RP1: variants seen among roughly 807,000 people sequenced by gnomAD.
RP1 encodes oxygen-regulated protein 1.
In RP1, 16 loss-of-function variants were observed where a neutral mutation model predicts 14.8. The ratio of observed to expected loss-of-function variants is 1.08; its 90% CI spans 0.73 to 1.65. The LOEUF (loss-of-function observed/expected upper bound fraction) is 1.65, where lower values mean the gene tolerates loss of function less well. Among genes scored for constraint, RP1 ranks in the 40% most tolerant of loss-of-function variants. The pLI, the probability that RP1 is intolerant of heterozygous loss-of-function variation, is 0.00. For synonymous variants in RP1, 876 were observed against 883.6 expected (o/e 0.99, Z 0.15); for missense variants, 2,631 against 2,535.0 (o/e 1.04, Z -0.81).
intron 12 of RP1, among the ~76,000 whole-genome samples, chr8:54,687,727 C>A (rs752771094): frequency 6.6e-6 from 1 of 151,978 alleles, no homozygotes; most frequent in Non-Finnish European, 1.5e-5. Flanking sequence ...GCATTTGTGT[C>A]GGTTCCAAGA....
chr8:54,750,901 G>A (rs1017117722), intron 19 of RP1, among the ~76,000 whole-genome samples: 1 of 152,244 alleles, frequency 6.6e-6, no homozygotes, highest in African/African-American at 2.4e-5. Flanking sequence ...GGACAGAAAT[G>A]GAGCATGGGA....
intron 12 of RP1, among the ~76,000 whole-genome samples, chr8:54,683,995 G>GTT (rs35978244): frequency 0.03 from 3,913 of 131,982 alleles, 112 homozygotes; most frequent in African/African-American, 0.068. Flanking sequence ...TTGCTTGAGA[G>GTT]TTTTTTTTTT....
chr8:54,629,256 G>T lies in RP1; in HGVS notation c.5374G>T (p.Ala1792Ser). The change falls in exon 4 of 4, where the codon GCC becomes TCC. Residue 1792 changes from alanine (A) to serine (S), a missense_variant. Physicochemically the swap from Ala to Ser is moderately conservative, Grantham distance 99. Coordinates refer to ENST00000220676, the MANE Select transcript of RP1 (RefSeq NM_006269.2). ...ACCATATTCACATTTTGGTAATTTG[G>T]CCCCAGGCCCAACGATGGATGAACT... Reference protein sequence around the residue: ...EVPYSHFGNLAPGPTMDELSS... With the variant: ...EVPYSHFGNLSPGPTMDELSS... 2 of 1,613,740 alleles carry T rather than the reference G, an allele frequency of 1.2e-6. No homozygotes were observed. Among genetic ancestry groups the T allele is most frequent in the South Asian group, 1.1e-5 (1 of 91,030 alleles).
At chr8:54,563,153 A>T (rs935618987) in intron 1 of RP1, among the ~76,000 whole-genome samples, 1 of 152,248 alleles carries the variant, frequency 6.6e-6, no homozygotes, top group African/African-American at 2.4e-5. Flanking sequence ...TCAGAGCAGA[A>T]GAGTCAGCCC....
rs146192663 is a variant in RP1 at position 54,768,192 on chromosome 8, C to T, written c.3249-1549C>T. On this transcript the variant is annotated intron_variant, in intron 22 of 22. Coordinates refer to the RP1 transcript ENST00000636932. ...TTGCCAGTGCTGTTGTCTCTCTCTA[C>T]GGTGCCCATCCTGACCTACTTATTG... 6.6e-4 allele frequency among the ~76,000 whole-genome samples: 100 copies of T among 152,314 alleles called. 1 individual carries two copies. The East Asian group carries it at 0.01, about 16-fold the overall frequency.
Position 54,627,031 on chromosome 8 carries a change from A to C in RP1, c.3149A>C (p.Lys1050Thr). Residue 1050 changes from lysine to threonine, a missense_variant, in exon 4 of 4, where the codon AAA (lysine) becomes ACA (threonine). Transcript: ENST00000220676. The stretch of plus-strand genomic sequence containing the variant: ...GCTGAAAAATCAGGACCAGAGAAAA[A>C]ACTTGTTTACCAGGAAATAAACCTA... ...IAAEKSGPEK[K>T]LVYQEINLAR... The C allele has an allele frequency of 6.2e-7, 1 of 1,613,954 alleles. No homozygotes were observed. The highest frequency in any genetic ancestry group is 8.5e-7 in the Non-Finnish European group (1 of 1,179,952).
intron 1 of RP1, among the ~76,000 whole-genome samples, chr8:54,582,118 C>G (rs12386986): frequency 0.083 from 12,646 of 151,990 alleles, 1,619 homozygotes; most frequent in African/African-American, 0.28. Flanking sequence ...TTTTCTTCTA[C>G]GGTTTTTATG....
intron 16 of RP1, among the ~76,000 whole-genome samples, chr8:54,725,034 G>A (rs1808622275): frequency 6.6e-6 from 1 of 152,128 alleles, no homozygotes; most frequent in Non-Finnish European, 1.5e-5. Flanking sequence ...GCGCTCATCA[G>A]TATCTATCAG....
At chr8:54,611,708 C>A (rs1805595864), upstream of RP1, among the ~76,000 whole-genome samples, 1 of 152,048 alleles carries the variant, frequency 6.6e-6, no homozygotes, top group Non-Finnish European at 1.5e-5. Context: ...GGGACATTTT[C>A]TGTTATTTTG....
chr8:54,655,795 A>T (rs1055705312), intron 5 of RP1, among the ~76,000 whole-genome samples: 1 of 152,138 alleles, frequency 6.6e-6, no homozygotes, highest in African/African-American at 2.4e-5. Context: ...AGGTGGGAGG[A>T]TCACTTCAGC....
In RP1 at chr8:54,628,252, C is replaced by G. The variant is rs959199078; in HGVS notation, c.4370C>G (p.Ser1457Ter). 4 of 1,613,770 alleles carry G rather than the reference C, an allele frequency of 2.5e-6. No individual in the cohort carries two copies. The African/African-American group carries it at 5.3e-5, about 22-fold the overall frequency. The change falls in exon 4 of 4, where the codon TCA becomes TGA. Residue 1457 changes from serine to a stop codon, truncating the protein, a stop_gained. Transcript: ENST00000220676. LOFTEE classifies it low-confidence loss of function (END_TRUNC). ...GGCTCAATAACCAACAGCATGACAT[C>G]AAGTGAAAGAAACATTTCAGAATTG... Reference protein sequence around the residue: ...EPGSITNSMTSSERNISELES... With the variant: ...EPGSITNSMT
rs1806076443 is a variant in RP1, at chr8:54,626,963, A to G, written c.3081A>G (p.Ser1027=). Residue 1027 remains serine (S), a synonymous_variant, in exon 4 of 4, where the codon TCA becomes TCG. Transcript: ENST00000220676. ...LVPLHEHCTL[S]QSAINDHNTK... ...CCCTGCATGAACACTGTACTTTGTCACAGTCAGCTATTAATGATCATAATA... is the reference window on the plus strand; with the variant it reads ...CCCTGCATGAACACTGTACTTTGTCGCAGTCAGCTATTAATGATCATAATA... The G allele has an allele frequency of 2.5e-6, 4 of 1,613,890 alleles. No individual in the cohort carries two copies. In the African/African-American group the frequency reaches 4.0e-5, roughly 16 times the overall value.
intron 24 of RP1, among the ~76,000 whole-genome samples, chr8:54,790,976 G>A (rs529336906): frequency 6.6e-6 from 1 of 152,244 alleles, no homozygotes; most frequent in African/African-American, 2.4e-5. Context: ...TTTGGGGAGA[G>A]AAATAGACAT....
At position 54,627,222 on chromosome 8, in the gene RP1, G is replaced by C. The variant is rs1245809381; in HGVS notation, c.3340G>C (p.Gly1114Arg). 7.4e-6 allele frequency: 12 copies of C among 1,614,062 alleles called. No homozygotes were observed. In the South Asian group the frequency reaches 8.8e-5, roughly 12 times the overall value. Residue 1114 changes from glycine (G) to arginine (R), a missense_variant, in exon 4 of 4, where the codon GGT (glycine) becomes CGT (arginine). Transcript: ENST00000220676. ...GVVQMPGSLA[G>R]VPFHSAICNS... Reference sequence around the variant, plus strand: ...TGTTCAAATGCCAGGTTCACTTGCAGGTGTTCCCTTTCATTCTGCAATATG... The same window carrying C: ...TGTTCAAATGCCAGGTTCACTTGCACGTGTTCCCTTTCATTCTGCAATATG...
chr8:54,774,774 G>A (rs147683217), downstream of RP1, among the ~76,000 whole-genome samples: 403 of 152,250 alleles, frequency 2.6e-3, 2 homozygotes, highest in African/African-American at 9.3e-3. Context: ...AATACACTCA[G>A]CATCTTCAAA....
intron 27 of RP1, among the ~76,000 whole-genome samples, chr8:54,861,749 C>T (rs1812348316): frequency 6.6e-6 from 1 of 152,110 alleles, no homozygotes; most frequent in Non-Finnish European, 1.5e-5. Flanking sequence ...ACTACAGGCT[C>T]ATGCCACCAT....
intron 13 of RP1, chr8:54,699,675 T>G: frequency 2.1e-6 from 1 of 470,456 alleles, no homozygotes; most frequent in Non-Finnish European, 3.4e-6. Context: ...TGGCTTGTAC[T>G]AGCACTTTTT....
chr8:54,635,883 CAG>C (rs1254820153), intron 3 of RP1, among the ~76,000 whole-genome samples: 1 of 152,130 alleles, frequency 6.6e-6, no homozygotes, highest in African/African-American at 2.4e-5. Context: ...ATAATGTCCA[CAG>C]AGCTTAATAA....
downstream of RP1, chr8:54,770,285 G>C (rs1809869446): frequency 2.5e-6 from 1 of 394,896 alleles, no homozygotes; most frequent in Non-Finnish European, 4.5e-6. Flanking sequence ...ACTATTGATT[G>C]AAAAATACTT....
Sources: allele counts gnomAD v4.1 joint callset (sites outside exome capture counted in the v4.1 genomes callset), GRCh38; gene constraint gnomAD v4.1.1; transcripts MANE v1.5; gene names NCBI Gene and HGNC (gene_info 2026-07-23, HGNC 2026-07-21).